Variants in C1orf232 observed in about 807,000 individuals in gnomAD.
C1orf232 encodes the protein uncharacterized protein C1orf232.
A neutral mutation model predicts 12.1 loss-of-function variants in C1orf232; 10 were observed. The observed-to-expected ratio is 0.82, with a 90% CI of 0.51 to 1.40. The LOEUF (loss-of-function observed/expected upper bound fraction) is 1.40, where lower values mean the gene tolerates loss of function less well. Ranked by LOEUF, C1orf232 falls within the 40% of genes most tolerant of loss-of-function variation. The pLI is 0.00. For missense variants in C1orf232, 88 were observed against 98.4 expected (o/e 0.89, Z 0.45); for synonymous variants, 36 against 39.8 (o/e 0.90, Z 0.36).
At chr1:26,168,064 T>C (rs1376951976) in intron 1 of C1orf232, among the ~76,000 whole-genome samples, 9 of 152,170 alleles carry the variant, frequency 5.9e-5, no homozygotes, top group African/African-American at 2.2e-4. Context: ...TCTAGTAACA[T>C]GGGGCTCACT....
At chr1:26,165,697 G>A (rs2088417854) in intron 3 of C1orf232, 129 bp downstream of exon 3, 3 of 1,229,100 alleles carry the variant, frequency 2.4e-6, no homozygotes, top group Admixed American at 4.2e-5. Context: ...GAGAGAAACA[G>A]AAACAGCCTG....
At position 26,164,422 on chromosome 1, in the gene C1orf232, C is replaced by A. The variant is rs1453702062; in HGVS notation, c.300G>T (p.Ala100=). The change falls in exon 4 of 4, where the codon GCG becomes GCT. Residue 100 remains alanine (A), a synonymous_variant. Coordinates refer to ENST00000634842, the MANE Select transcript of C1orf232 (RefSeq NM_001364669.2). This position sits in a 1 kb window ranked among gnomAD's most constrained non-coding sequence, Gnocchi z 4.2. ...PLAARPPSQA[A]AAAEARGPGF... ...CCGGGCCGCGCGCCTCCGCCGCCGC[C>A]GCCGCCTGCGAGGGGGGTCGCGCCG... The A allele has an allele frequency of 2.6e-6, 1 of 381,850 alleles. No homozygotes were observed. Among genetic ancestry groups the A allele is most frequent in the Non-Finnish European group, 4.6e-6 (1 of 215,418 alleles). The allele number at this position is 381,850 out of a possible 1,614,324, so 23.7% of individuals were successfully genotyped here.
chr1:26,166,172 T>G (rs1244025792), intron 1 of C1orf232, 54 bp from the exon 2 acceptor site: 1 of 1,197,100 alleles, frequency 8.4e-7, no homozygotes, highest in Non-Finnish European at 1.0e-6. Flanking sequence ...GAGTGAGATC[T>G]CCCTCCTCCA....
In C1orf232 at chr1:26,168,506, A is replaced by AG; in HGVS notation, c.-8dup. ...TCCAGAAGGCCTGGTTCATGGCTGC[A>AG]GGGGGAAGGGGCCTGGCACGCAAGC... On this transcript the variant is annotated 5_prime_UTR_variant, in exon 1 of 4. Coordinates refer to ENST00000634842, the MANE Select transcript of C1orf232 (RefSeq NM_001364669.2). 1 of 1,231,914 alleles carries AG rather than the reference A, an allele frequency of 8.1e-7. No individual in the cohort carries two copies. Among genetic ancestry groups the AG allele is most frequent in the Non-Finnish European group, 1.0e-6 (1 of 988,116 alleles). 76.3% of individuals were successfully genotyped at this position (1,231,914 alleles called of 1,614,324 possible). A position where few individuals can be genotyped will look rare whatever the true frequency, so the allele number is the denominator to read the frequency against.
chr1:26,165,263 G>A (rs2088414085), intron 3 of C1orf232, among the ~76,000 whole-genome samples: 1 of 152,084 alleles, frequency 6.6e-6, no homozygotes, highest in South Asian at 2.1e-4. Flanking sequence ...ATAGAGCCAG[G>A]AGGGAGACTG....
Position 26,168,429 on chromosome 1 carries a change from T to G in C1orf232, c.71A>C (p.Asp24Ala), listed in dbSNP as rs1365328413. The G allele has an allele frequency of 8.1e-7, 1 of 1,231,820 alleles. No individual in the cohort carries two copies. The highest frequency in any genetic ancestry group is 1.0e-6 in the Non-Finnish European group (1 of 988,110). The allele number at this position is 1,231,820 out of a possible 1,614,324, so 76.3% of individuals were successfully genotyped here. The stretch of plus-strand genomic sequence containing the variant: ...GATGGCACCCACCTCCTCTGCCAGG[T>G]CTTCTTCAGATTCCCCACTCAGGGT... ...LQTLSGESEE[D>A]LAEERENPAL... Residue 24 changes from aspartate (D) to alanine (A), a missense_variant, in exon 1 of 4, where the codon GAC becomes GCC. Physicochemically the swap from Asp to Ala is moderately radical, Grantham distance 126. Transcript: ENST00000634842.
Position 26,164,104 on chromosome 1 carries a change from C to A in C1orf232, c.*57G>T, listed in dbSNP as rs1461238736. The A allele has an allele frequency of 5.0e-6, 2 of 397,674 alleles. No homozygotes were observed. Among genetic ancestry groups the A allele is most frequent in the South Asian group, 1.3e-4 (1 of 7,626 alleles). 24.6% of individuals were successfully genotyped at this position (397,674 alleles called of 1,614,324 possible). On this transcript the variant is annotated 3_prime_UTR_variant, in exon 4 of 4. Coordinates refer to ENST00000634842, the MANE Select transcript of C1orf232 (RefSeq NM_001364669.2). This position sits in a 1 kb window ranked among gnomAD's most constrained non-coding sequence, Gnocchi z 4.2. Reference sequence around the variant, plus strand: ...AAAAGCACGCGGTCACACAGGCTGTCGGGCCAGGGTTTTTTATCAGGGGTG... The same window carrying A: ...AAAAGCACGCGGTCACACAGGCTGTAGGGCCAGGGTTTTTTATCAGGGGTG...
Position 26,164,741 on chromosome 1 carries a change from G to C in C1orf232, c.267-286C>G, listed in dbSNP as rs1003898353. Among the ~76,000 whole-genome samples the C allele has an allele frequency of 5.3e-5, 8 of 152,130 alleles. No homozygotes were observed. The highest frequency in any genetic ancestry group is 1.9e-4 in the African/African-American group (8 of 41,438). On this transcript the variant is annotated intron_variant, in intron 3 of 3. Transcript: ENST00000634842. This position sits in a 1 kb window ranked among gnomAD's most constrained non-coding sequence, Gnocchi z 4.2. ...AGGGGACCGGGATCAGGATCCCTGG[G>C]GAGAGAATGAGGTCAGGGTTTCAGG...
In C1orf232 at chr1:26,165,929, A is replaced by G; in HGVS notation, c.169-6T>C. Reference sequence around the variant, plus strand: ...TTCACCCCGACCCCCTGAACCTGGGAAAGGGGTTGGGAGTCAGGGAGGGGG... The same window carrying G: ...TTCACCCCGACCCCCTGAACCTGGGGAAGGGGTTGGGAGTCAGGGAGGGGG... On this transcript the variant is annotated splice_region_variant and splice_polypyrimidine_tract_variant and intron_variant, in intron 2 of 3. Coordinates refer to ENST00000634842, the MANE Select transcript of C1orf232 (RefSeq NM_001364669.2). 1 of 1,231,702 alleles carries G rather than the reference A, an allele frequency of 8.1e-7. No individual in the cohort carries two copies. The highest frequency in any genetic ancestry group is 1.0e-6 in the Non-Finnish European group (1 of 987,964). The allele number at this position is 1,231,702 out of a possible 1,614,324, so 76.3% of individuals were successfully genotyped here. A position where few individuals can be genotyped will look rare whatever the true frequency, so the allele number is the denominator to read the frequency against.
At position 26,168,898 on chromosome 1, in the gene C1orf232, T is replaced by G. The variant is rs1312230327; in HGVS notation, c.-399A>C. Among the ~76,000 whole-genome samples the G allele has an allele frequency of 7.9e-5, 12 of 152,156 alleles. No homozygotes were observed. Among genetic ancestry groups the G allele is most frequent in the Non-Finnish European group, 1.5e-4 (10 of 68,006 alleles). ...GGACCCACACTGGAGCCCCTGTGAC[T>G]GTAGTCATACTAGTTGTGTCCTCAG... On this transcript the variant is annotated 5_prime_UTR_variant, in exon 1 of 4. Transcript: ENST00000634842.
chr1:26,166,496 A>T (rs2887448), intron 1 of C1orf232, among the ~76,000 whole-genome samples: 90,075 of 151,876 alleles, frequency 0.59, 27,506 homozygotes, highest in East Asian at 0.9. Flanking sequence ...TTTGTATTTT[A>T]AATAGAGATG....
rs1412205571 is a variant in C1orf232 at position 26,164,599 on chromosome 1, G to T, written c.267-144C>A. 2 of 350,344 alleles carry T rather than the reference G, an allele frequency of 5.7e-6. No homozygotes were observed. The highest frequency in any genetic ancestry group is 1.0e-5 in the Non-Finnish European group (2 of 195,674). 21.7% of individuals were successfully genotyped at this position (350,344 alleles called of 1,614,324 possible). A position where few individuals can be genotyped will look rare whatever the true frequency, so the allele number is the denominator to read the frequency against. On this transcript the variant is annotated intron_variant, in intron 3 of 3. Coordinates refer to ENST00000634842, the MANE Select transcript of C1orf232 (RefSeq NM_001364669.2). The surrounding 1 kb of genome is among the most constrained non-coding windows in gnomAD (Gnocchi z 4.2). ...TGAGGAGCGGGGTCAGGTGACCAGT[G>T]GGGGACCGGGACGAGGAGGAGGGTC...
At chr1:26,168,213 T>C (rs1391382164) in intron 1 of C1orf232, among the ~76,000 whole-genome samples, 3 of 152,178 alleles carry the variant, frequency 2.0e-5, no homozygotes, top group Non-Finnish European at 4.4e-5. Flanking sequence ...ACTCCTCCCA[T>C]GGTCCCTAAG....
rs11247860 is a variant in C1orf232 at position 26,164,864 on chromosome 1, C to A, written c.267-409G>T. 0.59 allele frequency among the ~76,000 whole-genome samples: 89,979 copies of A among 151,744 alleles called. 27,475 individuals carry two copies. The highest frequency in any genetic ancestry group is 0.9 in the East Asian group (4,599 of 5,118). On this transcript the variant is annotated intron_variant, in intron 3 of 3. Coordinates refer to ENST00000634842, the MANE Select transcript of C1orf232 (RefSeq NM_001364669.2). This position sits in a 1 kb window ranked among gnomAD's most constrained non-coding sequence, Gnocchi z 4.2. Reference sequence around the variant, plus strand: ...GGAGCGGGAGGGCTGTTCAGATCCCCCCTGAGGGAAGCCCTGGGGAAAAGA... The same window carrying A: ...GGAGCGGGAGGGCTGTTCAGATCCCACCTGAGGGAAGCCCTGGGGAAAAGA...
In C1orf232 at chr1:26,164,316, G is replaced by A; in HGVS notation, c.406C>T (p.Pro136Ser). Residue 136 changes from proline (P) to serine (S), a missense_variant, in exon 4 of 4, where the codon CCG becomes TCG. By Grantham distance (74) the Pro-to-Ser change is moderately conservative. Transcript: ENST00000634842. This position sits in a 1 kb window ranked among gnomAD's most constrained non-coding sequence, Gnocchi z 4.2. ...TCCGCGGGTTCGGGGTCCGGCTCCGGAGTGGGCTCGGTGCCGCGCAGCATG... is the reference window on the plus strand; with the variant it reads ...TCCGCGGGTTCGGGGTCCGGCTCCGAAGTGGGCTCGGTGCCGCGCAGCATG... ...ASMLRGTEPT[P>S]EPDPEPADEA... The A allele has an allele frequency of 2.5e-6, 1 of 397,620 alleles. No homozygotes were observed. Among genetic ancestry groups the A allele is most frequent in the Non-Finnish European group, 4.4e-6 (1 of 225,364 alleles). The allele number at this position is 397,620 out of a possible 1,614,324, so 24.6% of individuals were successfully genotyped here. A position where few individuals can be genotyped will look rare whatever the true frequency, so the allele number is the denominator to read the frequency against.
chr1:26,168,477 GT>G lies in C1orf232; in HGVS notation c.22del (p.Thr8ProfsTer10). 1 of 1,231,934 alleles carries G rather than the reference GT, an allele frequency of 8.1e-7. No individual in the cohort carries two copies. The highest frequency in any genetic ancestry group is 1.0e-6 in the Non-Finnish European group (1 of 988,122). 76.3% of individuals were successfully genotyped at this position (1,231,934 alleles called of 1,614,324 possible). A position where few individuals can be genotyped will look rare whatever the true frequency, so the allele number is the denominator to read the frequency against. ...GGTCTGTAGCACTTTGGACTTGTAG[GT>G]TTTCCAGAAGGCCTGGTTCATGGCT... MNQAFWK[T>X]YKSKVLQTLS... On this transcript the variant is annotated frameshift_variant, in exon 1 of 4. Coordinates refer to ENST00000634842, the MANE Select transcript of C1orf232 (RefSeq NM_001364669.2). LOFTEE classifies it high-confidence loss of function.
At position 26,164,843 on chromosome 1, in the gene C1orf232, C is replaced by T. The variant is rs2088408272; in HGVS notation, c.267-388G>A. Among the ~76,000 whole-genome samples the T allele has an allele frequency of 6.6e-6, 1 of 151,876 alleles. No individual in the cohort carries two copies. The highest frequency in any genetic ancestry group is 1.5e-5 in the Non-Finnish European group (1 of 67,916). On this transcript the variant is annotated intron_variant, in intron 3 of 3. Coordinates refer to ENST00000634842, the MANE Select transcript of C1orf232 (RefSeq NM_001364669.2). The surrounding 1 kb of genome is among the most constrained non-coding windows in gnomAD (Gnocchi z 4.2). ...GGATCCCTGGGAAAGCAGGTGGGAG[C>T]GGGAGGGCTGTTCAGATCCCCCCTG... is the stretch of plus-strand genomic sequence containing the variant.
chr1:26,167,305 G>C (rs780757396), intron 1 of C1orf232, among the ~76,000 whole-genome samples: 1 of 152,132 alleles, frequency 6.6e-6, no homozygotes, highest in Admixed American at 6.5e-5. Flanking sequence ...CAATCCACCC[G>C]CCTCAGCCTG....
At chr1:26,166,758 G>A (rs185117216) in intron 1 of C1orf232, among the ~76,000 whole-genome samples, 8 of 152,254 alleles carry the variant, frequency 5.3e-5, no homozygotes, top group Non-Finnish European at 1.5e-5. Flanking sequence ...CTCTTCACCT[G>A]TACATAGACA....
Sources: gnomAD v4.1 joint callset for allele counts (sites outside exome capture counted in the v4.1 genomes callset) on GRCh38, gnomAD v4.1.1 for gene constraint, Gnocchi (gnomAD v3.1) non-coding constraint, MANE v1.5 for transcripts, NCBI Gene and HGNC (gene_info 2026-07-23, HGNC 2026-07-21) for gene names.